CD72: variants seen among roughly 807,000 people sequenced by gnomAD.
The protein encoded by CD72 is CD72 molecule.
In CD72, 28 loss-of-function variants were observed where a neutral mutation model predicts 50.7. The observed-to-expected ratio is 0.55, with a 90% CI of 0.41 to 0.76. CD72 has a LOEUF of 0.76. Among genes scored for constraint, CD72 ranks in the 30% least tolerant of loss-of-function variants. CD72 has a pLI of 0.00. For synonymous variants in CD72, 176 were observed against 171.2 expected, an observed-to-expected ratio of 1.03 and a Z score of -0.22; for missense variants, 403 against 420.6, an observed-to-expected ratio of 0.96 and a Z score of 0.37.
At chr9:35,617,910 G>T in intron 2 of CD72, 104 bp downstream of exon 2, 1 of 775,630 alleles carries the variant, frequency 1.3e-6, no homozygotes, top group Non-Finnish European at 2.3e-6. Context: ...CAGCCTGAGT[G>T]ACAGAACAAG....
chr9:35,611,263 A>C (rs1822979675), intron 7 of CD72, among the ~76,000 whole-genome samples: 2 of 152,008 alleles, frequency 1.3e-5, no homozygotes, highest in South Asian at 4.2e-4. Context: ...AAAAAAAAAA[A>C]AGATGGGAAG....
intron 1 of CD72, among the ~76,000 whole-genome samples, chr9:35,630,967 G>A (rs1016085416): frequency 1.3e-5 from 2 of 152,136 alleles, no homozygotes; most frequent in Non-Finnish European, 2.9e-5. Context: ...TGATTGAGTT[G>A]ATACAAAGTG....
chr9:35,635,666 TCC>T (rs1823283605), intron 1 of CD72, among the ~76,000 whole-genome samples: 1 of 152,198 alleles, frequency 6.6e-6, no homozygotes, highest in African/African-American at 2.4e-5. Flanking sequence ...AGAAATTAAA[TCC>T]ACCATTAGTT....
At chr9:35,631,233 T>C (rs1454276886) in intron 1 of CD72, among the ~76,000 whole-genome samples, 2 of 152,154 alleles carry the variant, frequency 1.3e-5, no homozygotes, top group Non-Finnish European at 2.9e-5. Context: ...TTACTAGTCT[T>C]TTGGTTTTTC....
chr9:35,646,693 C>T (rs1823397338), exon 1 of CD72: 1 of 152,234 alleles, frequency 6.6e-6, no homozygotes, highest in Non-Finnish European at 1.5e-5. Flanking sequence ...TTTACAGAAA[C>T]TCAGTTTACA....
exon 1 of CD72, chr9:35,646,481 C>G (rs1823394538): frequency 1.3e-5 from 2 of 152,082 alleles, no homozygotes; most frequent in African/African-American, 4.8e-5. Context: ...GGGGGCCCCT[C>G]GGAAGATGTC....
Position 35,610,770 on chromosome 9 carries a change from T to C in CD72, c.951-17A>G, listed in dbSNP as rs1822968426. ...GCATAAGTCCTAAAAAGTAGTAAGG[T>C]AGAGCTGGGATATGCTCTGGACATA... On this transcript the variant is annotated splice_polypyrimidine_tract_variant and intron_variant, in intron 7 of 8. Transcript: ENST00000259633. The C allele has an allele frequency of 2.5e-6, 4 of 1,604,540 alleles. No homozygotes were observed. The highest frequency in any genetic ancestry group is 3.4e-6 in the Non-Finnish European group (4 of 1,174,924).
chr9:35,633,066 G>T (rs924325092), intron 1 of CD72, among the ~76,000 whole-genome samples: 2 of 151,044 alleles, frequency 1.3e-5, no homozygotes, highest in African/African-American at 2.4e-5. Flanking sequence ...AAGTAGCTGG[G>T]ACTACAGGCG....
chr9:35,642,504 A>G (rs1022857278), intron 1 of CD72: 3 of 152,176 alleles, frequency 2.0e-5, no homozygotes, highest in Non-Finnish European at 4.4e-5. Context: ...CACTCCATCA[A>G]TTTCCTTACT....
chr9:35,614,375 C>G (rs547486562), intron 5 of CD72, among the ~76,000 whole-genome samples: 2 of 152,242 alleles, frequency 1.3e-5, no homozygotes, highest in South Asian at 4.2e-4. Flanking sequence ...GTAGGAAAAA[C>G]ATTTAGAAAG....
At chr9:35,626,433 G>T (rs1379660648) in intron 1 of CD72, among the ~76,000 whole-genome samples, 3 of 152,204 alleles carry the variant, frequency 2.0e-5, no homozygotes, top group Non-Finnish European at 4.4e-5. Flanking sequence ...TACTGGTGAA[G>T]ATTATGTTGA....
chr9:35,637,119 C>T (rs1203234581), intron 1 of CD72, among the ~76,000 whole-genome samples: 1 of 152,164 alleles, frequency 6.6e-6, no homozygotes, highest in Non-Finnish European at 1.5e-5. Flanking sequence ...GTAATATTCT[C>T]CCCACGCTTG....
Position 35,631,294 on chromosome 9 carries a change from G to A in CD72, n.409-13173C>T, listed in dbSNP as rs57067761. Among the ~76,000 whole-genome samples the A allele has an allele frequency of 1.6e-4, 25 of 152,162 alleles. No homozygotes were observed. The East Asian group carries it at 4.6e-3, about 28-fold the overall frequency. ...AAGATAATATTATAATTTCTTTTCA[G>A]ATGAGCGTAACAATTCATTGTCTTG... On this transcript the variant is annotated intron_variant and non_coding_transcript_variant, in intron 1 of 3. Coordinates refer to the CD72 transcript ENST00000465754.
intron 1 of CD72, among the ~76,000 whole-genome samples, chr9:35,625,707 A>G (rs546528806): frequency 6.6e-6 from 1 of 152,334 alleles, no homozygotes; most frequent in South Asian, 2.1e-4. Context: ...GTTAGAGGCT[A>G]ATGCAGCTCG....
At chr9:35,617,792 A>C (rs1823090447) in intron 2 of CD72, among the ~76,000 whole-genome samples, 1 of 152,108 alleles carries the variant, frequency 6.6e-6, no homozygotes, top group South Asian at 2.1e-4. Flanking sequence ...GGGCCATGGC[A>C]TGGGGGCGCA....
Position 35,612,852 on chromosome 9 carries a change from T to C in CD72, c.830A>G (p.Gln277Arg). 6.2e-7 allele frequency: 1 copy of C among 1,614,194 alleles called. No individual in the cohort carries two copies. Among genetic ancestry groups the C allele is most frequent in the Non-Finnish European group, 8.5e-7 (1 of 1,179,988 alleles). Reference sequence around the variant, plus strand: ...TGTGAGTAAGGATATGCTTACTGATTGTGGATAAATTTCACTGAATGTGGC... The same window carrying C: ...TGTGAGTAAGGATATGCTTACTGATCGTGGATAAATTTCACTGAATGTGGC... ...KLATFSEIYPQSHSYYFLNSL... is the reference protein window; with the variant it reads ...KLATFSEIYPRSHSYYFLNSL... The change falls in exon 6 of 9, where the codon CAA (glutamine) becomes CGA (arginine). Residue 277 changes from glutamine (Q) to arginine (R), a missense_variant. Gln to Arg is a conservative substitution (Grantham distance 43, BLOSUM62 1). Coordinates refer to ENST00000259633, the MANE Select transcript of CD72 (RefSeq NM_001782.3).
chr9:35,611,818 A>G lies in CD72; in HGVS notation c.936T>C (p.Asp312=), dbSNP rs1822990709. The G allele has an allele frequency of 6.3e-6, 10 of 1,595,156 alleles. No homozygotes were observed. The highest frequency in any genetic ancestry group is 1.7e-5 in the Admixed American group (1 of 59,996). ...SSNKDWKLTD[D]TQRTRTYAQS... The stretch of plus-strand genomic sequence containing the variant: ...AACAAACTTACCTAGTGCGTTGTGT[A>G]TCATCAGTCAACTTCCAATCCTTGT... Residue 312 remains aspartate, a synonymous_variant, in exon 7 of 9, where the codon GAT becomes GAC. Transcript: ENST00000259633.
rs540973202 is a variant in CD72 at position 35,637,187 on chromosome 9, A to G, written n.408+9216T>C. Among the ~76,000 whole-genome samples, 4 of 152,294 alleles carry G rather than the reference A, an allele frequency of 2.6e-5. No homozygotes were observed. The South Asian group carries it at 8.3e-4, about 32-fold the overall frequency. On this transcript the variant is annotated intron_variant and non_coding_transcript_variant, in intron 1 of 3. Coordinates refer to the CD72 transcript ENST00000465754. ...CCCGCAAAAAATTGCTCCTAACTCT[A>G]TCGCCTATCCCAAAACTATAAAAAC... is the stretch of plus-strand genomic sequence containing the variant.
chr9:35,634,744 A>G (rs1380719591), intron 1 of CD72, among the ~76,000 whole-genome samples: 1 of 151,926 alleles, frequency 6.6e-6, no homozygotes, highest in Non-Finnish European at 1.5e-5. Flanking sequence ...GAACACTTTT[A>G]CCTTCCCCTT....
Sources: allele counts gnomAD v4.1 joint callset (sites outside exome capture counted in the v4.1 genomes callset), GRCh38; gene constraint gnomAD v4.1.1; transcripts MANE v1.5; gene names NCBI Gene and HGNC (gene_info 2026-07-23, HGNC 2026-07-21).